Variants in OPRK1 observed in about 807,000 individuals in gnomAD.
OPRK1 encodes kappa-type opioid receptor.
OPRK1 carries 15 observed loss-of-function variants against 24.5 expected under a neutral mutation model. The observed-to-expected ratio is 0.61, with a 90% CI of 0.41 to 0.94. The LOEUF is 0.94. Among genes scored for constraint, OPRK1 ranks in the 40% least tolerant of loss-of-function variants. The pLI is 0.00. For synonymous variants in OPRK1, 205 were observed against 198.0 expected (o/e 1.04, Z -0.30); for missense variants, 479 against 507.3 (o/e 0.94, Z 0.54).
rs992605556 is a variant in OPRK1, at chr8:53,231,082, A to G, written c.611-1253T>C. Among the ~76,000 whole-genome samples the G allele has an allele frequency of 2.0e-5, 3 of 152,182 alleles. No homozygotes were observed. In the East Asian group the frequency reaches 5.8e-4, roughly 29 times the overall value. ...ACTATCTTAGAGACCTTCATGTATC[A>G]ATGAAATACCAGATGAAACCTTGGA... On this transcript the variant is annotated intron_variant, in intron 3 of 3. Transcript: ENST00000265572.
intron 2 of OPRK1, among the ~76,000 whole-genome samples, chr8:53,240,231 T>C (rs1365097): frequency 0.43 from 65,568 of 152,004 alleles, 16,738 homozygotes; most frequent in African/African-American, 0.72. Context: ...TGCCTGAAAC[T>C]ACAAACTAGT....
At chr8:53,235,489 T>C (rs968790736) in intron 2 of OPRK1, among the ~76,000 whole-genome samples, 1 of 151,182 alleles carries the variant, frequency 6.6e-6, no homozygotes, top group Non-Finnish European at 1.5e-5. Context: ...ACTATATTCA[T>C]TCTCTTTGAC....
At chr8:53,242,790 G>T in intron 2 of OPRK1, 1 of 1,211,714 alleles carries the variant, frequency 8.3e-7, no homozygotes, top group South Asian at 1.5e-5. Flanking sequence ...ACGGGCCTGA[G>T]CCACCGCGCC....
At position 53,250,445 on chromosome 8, in the gene OPRK1, C is replaced by G. The variant is rs563298239; in HGVS notation, c.257+336G>C. Among the ~76,000 whole-genome samples the G allele has an allele frequency of 2.7e-5, 4 of 150,776 alleles. No individual in the cohort carries two copies. In the South Asian group the frequency reaches 6.2e-4, roughly 23 times the overall value. The stretch of plus-strand genomic sequence containing the variant: ...GGATTAGTTCCTTTACCAGGAACCC[C>G]TGACCCTGTTGTCAGCACCCTGGCA... On this transcript the variant is annotated intron_variant, in intron 2 of 3. Transcript: ENST00000265572.
chr8:53,247,071 G>A (rs986244695), intron 2 of OPRK1, among the ~76,000 whole-genome samples: 2 of 152,212 alleles, frequency 1.3e-5, no homozygotes, highest in South Asian at 2.1e-4. Context: ...GCTTGATCAA[G>A]GGTTAAGGCT....
chr8:53,249,824 G>T (rs940704646), intron 2 of OPRK1, among the ~76,000 whole-genome samples: 1 of 151,946 alleles, frequency 6.6e-6, no homozygotes, highest in African/African-American at 2.4e-5. Flanking sequence ...CTTGCATCCC[G>T]CCCTTATTTC....
intron 2 of OPRK1, 68 bp downstream of exon 2, chr8:53,250,713 A>G (rs1422431217): frequency 1.4e-6 from 2 of 1,459,260 alleles, no homozygotes; most frequent in African/African-American, 2.9e-5. Flanking sequence ...CTGCTGCTCC[A>G]GTGGCGGGGC....
chr8:53,232,684 T>C (rs558813654), intron 3 of OPRK1, among the ~76,000 whole-genome samples: 1 of 152,212 alleles, frequency 6.6e-6, no homozygotes, highest in Non-Finnish European at 1.5e-5. Context: ...CTTTATATAT[T>C]AATATCAGAG....
At chr8:53,239,149 T>C (rs1439773520) in intron 2 of OPRK1, among the ~76,000 whole-genome samples, 1 of 152,206 alleles carries the variant, frequency 6.6e-6, no homozygotes, top group African/African-American at 2.4e-5. Flanking sequence ...GCATGCACCC[T>C]CTCTTCCCTC....
rs773135770 is a variant in OPRK1 at position 53,234,992 on chromosome 8, A to G, written c.377T>C (p.Phe126Ser). The G allele has an allele frequency of 6.2e-6, 10 of 1,614,196 alleles. No individual in the cohort carries two copies. The highest frequency in any genetic ancestry group is 1.7e-5 in the Admixed American group (1 of 60,016). Residue 126 changes from phenylalanine to serine, a missense_variant, in exon 3 of 4, where the codon TTT (phenylalanine) becomes TCT (serine). Physicochemically the swap from Phe to Ser is radical, Grantham distance 155. Transcript: ENST00000265572. Reference protein sequence around the residue: ...STVYLMNSWPFGDVLCKIVIS... With the variant: ...STVYLMNSWPSGDVLCKIVIS... ...TACTATCTTGCACAGCACATCCCCAAAAGGCCAGGAATTCATCAAGTAGAC... is the reference window on the plus strand; with the variant it reads ...TACTATCTTGCACAGCACATCCCCAGAAGGCCAGGAATTCATCAAGTAGAC...
intron 1 of OPRK1, 56 bp from the exon 2 acceptor site, chr8:53,251,141 G>A: frequency 7.1e-7 from 1 of 1,400,672 alleles, no homozygotes; most frequent in Non-Finnish European, 9.2e-7. Context: ...CCCGCGCCCT[G>A]GCCAGCGGCG....
In OPRK1 at chr8:53,242,233, C is replaced by T. The variant is rs117246177; in HGVS notation, c.258-7122G>A. ...CTGCCCTCTACCCATGAAGCCAGTTCTCCACTGGACAGGAAGCAACCCAGC... is the reference window on the plus strand; with the variant it reads ...CTGCCCTCTACCCATGAAGCCAGTTTTCCACTGGACAGGAAGCAACCCAGC... On this transcript the variant is annotated intron_variant, in intron 2 of 3. Coordinates refer to ENST00000265572, the MANE Select transcript of OPRK1 (RefSeq NM_000912.5). Among the ~76,000 whole-genome samples the T allele has an allele frequency of 3.2e-4, 49 of 152,320 alleles. 1 individual carries two copies. In the East Asian group the frequency reaches 9.3e-3, roughly 29 times the overall value.
chr8:53,244,099 C>T (rs955516779), intron 2 of OPRK1, among the ~76,000 whole-genome samples: 3 of 152,164 alleles, frequency 2.0e-5, no homozygotes, highest in Admixed American at 1.3e-4. Flanking sequence ...CTCTGTCACC[C>T]CATTCCGTCC....
In OPRK1 at chr8:53,229,102, G is replaced by A. The variant is rs199577564; in HGVS notation, c.*195C>T. The A allele has an allele frequency of 1.9e-5, 11 of 593,630 alleles. No individual in the cohort carries two copies. Among genetic ancestry groups the A allele is most frequent in the Non-Finnish European group, 2.9e-5 (10 of 347,332 alleles). 36.8% of individuals were successfully genotyped at this position (593,630 alleles called of 1,614,324 possible). A position where few individuals can be genotyped will look rare whatever the true frequency, so the allele number is the denominator to read the frequency against. Reference sequence around the variant, plus strand: ...CCTAGAGAAGAGGTGCATGTGTTGCGTGGACCTTTTGTCCTTGATGTTTCC... The same window carrying A: ...CCTAGAGAAGAGGTGCATGTGTTGCATGGACCTTTTGTCCTTGATGTTTCC... On this transcript the variant is annotated 3_prime_UTR_variant, in exon 4 of 4. Coordinates refer to ENST00000265572, the MANE Select transcript of OPRK1 (RefSeq NM_000912.5).
Position 53,234,892 on chromosome 8 carries a change from G to A in OPRK1, c.477C>T (p.Ala159=), listed in dbSNP as rs199574345. The part of the protein sequence containing the change: ...LTMMSVDRYI[A]VCHPVKALDF... ...CCAAAGCCTTCACGGGGTGGCACAC[G>A]GCAATGTAGCGGTCCACGCTCATCA... Residue 159 remains alanine (A), a synonymous_variant, in exon 3 of 4, where the codon GCC becomes GCT. Coordinates refer to ENST00000265572, the MANE Select transcript of OPRK1 (RefSeq NM_000912.5). 4.3e-6 allele frequency: 7 copies of A among 1,614,030 alleles called. No homozygotes were observed. Among genetic ancestry groups the A allele is most frequent in the Middle Eastern group, 1.6e-4 (1 of 6,084 alleles).
Position 53,228,644 on chromosome 8 carries a change from G to A in OPRK1, c.*653C>T, listed in dbSNP as rs3802282. 36,986 of 152,126 alleles carry A rather than the reference G, an allele frequency of 0.24. 6,225 individuals carry two copies. The highest frequency in any genetic ancestry group is 0.48 in the African/African-American group (19,738 of 41,472). The allele number at this position is 152,126 out of a possible 1,614,324, so 9.4% of individuals were successfully genotyped here. On this transcript the variant is annotated 3_prime_UTR_variant, in exon 4 of 4. Coordinates refer to ENST00000265572, the MANE Select transcript of OPRK1 (RefSeq NM_000912.5). ...CTAAGAAAAAAAACTGTAGTTTTTG[G>A]GAAATTAAACCATGTTAAAAACAAT...
rs73679692 is a variant in OPRK1 at position 53,226,601 on chromosome 8, A to G, written c.*2696T>C. 6.6e-6 allele frequency: 1 copy of G among 152,272 alleles called. No homozygotes were observed. Among genetic ancestry groups the G allele is most frequent in the Non-Finnish European group, 1.5e-5 (1 of 68,048 alleles). The allele number at this position is 152,272 out of a possible 1,614,324, so 9.4% of individuals were successfully genotyped here. On this transcript the variant is annotated 3_prime_UTR_variant, in exon 4 of 4. Coordinates refer to ENST00000265572, the MANE Select transcript of OPRK1 (RefSeq NM_000912.5). ...GAGCCAGAGGGGTTTGGACAAATGC[A>G]TTGCCTGGAACAATGAATAAATGGC... is the stretch of plus-strand genomic sequence containing the variant.
chr8:53,239,169 G>A (rs1287267347), intron 2 of OPRK1, among the ~76,000 whole-genome samples: 1 of 152,094 alleles, frequency 6.6e-6, no homozygotes, highest in Admixed American at 6.5e-5. Flanking sequence ...CTCCAGTTAT[G>A]TGCATGGCCC....
At chr8:53,246,127 C>A (rs1807221845) in intron 2 of OPRK1, among the ~76,000 whole-genome samples, 2 of 152,102 alleles carry the variant, frequency 1.3e-5, no homozygotes, top group Admixed American at 6.5e-5. Context: ...ATTTAGGAAA[C>A]CTCAGAGGAA....
Sources: allele counts gnomAD v4.1 joint callset (sites outside exome capture counted in the v4.1 genomes callset), GRCh38; gene constraint gnomAD v4.1.1; transcripts MANE v1.5; gene names NCBI Gene and HGNC (gene_info 2026-07-23, HGNC 2026-07-21).